The following BRWD1 variants were observed in gnomAD, a reference collection of about 807,000 sequenced individuals.
The protein encoded by BRWD1 is bromodomain and WD repeat domain containing 1, also known as bromodomain and WD repeat-containing protein 1.
Under a neutral mutation model 251.2 loss-of-function variants are expected in BRWD1, and 82 were observed. The ratio of observed to expected loss-of-function variants is 0.33; its 90% CI spans 0.27 to 0.39. The LOEUF (loss-of-function observed/expected upper bound fraction) is 0.39. BRWD1 is among the 10% of genes least tolerant of loss of function. The pLI is 1.00. For missense variants in BRWD1, 2,233 were observed against 2,711.6 expected, an observed-to-expected ratio of 0.82 and a Z score of 3.92; for synonymous variants, 918 against 902.8, an observed-to-expected ratio of 1.02 and a Z score of -0.30.
At chr21:39,288,050 A>C (rs2035696565) in intron 8 of BRWD1, among the ~76,000 whole-genome samples, 1 of 152,196 alleles carries the variant, frequency 6.6e-6, no homozygotes, top group Non-Finnish European at 1.5e-5. Flanking sequence ...TGCAGTCAAG[A>C]TGTCGACCTG....
intron 37 of BRWD1, among the ~76,000 whole-genome samples, chr21:39,202,792 A>C (rs971051970): frequency 6.6e-5 from 10 of 152,248 alleles, no homozygotes; most frequent in African/African-American, 2.2e-4. Flanking sequence ...AGTAAGAGTT[A>C]CAGAAAATTA....
upstream of BRWD1, chr21:39,314,519 C>T (rs1321036252): frequency 2.8e-6 from 1 of 357,002 alleles, no homozygotes; most frequent in South Asian, 2.1e-5. Context: ...CAGTTAGAAT[C>T]CTCTTGGAAG....
chr21:39,316,029 G>T (rs934051277), upstream of BRWD1, among the ~76,000 whole-genome samples: 3 of 152,178 alleles, frequency 2.0e-5, no homozygotes, highest in African/African-American at 7.2e-5. Context: ...ACTTTGGAGA[G>T]GATGGGACCA....
intron 7 of BRWD1, among the ~76,000 whole-genome samples, chr21:39,294,447 G>A (rs562227599): frequency 5.3e-5 from 8 of 152,000 alleles, no homozygotes; most frequent in Admixed American, 2.0e-4. Flanking sequence ...CACAAGGTCA[G>A]GAGATCGAGA....
intron 33 of BRWD1, among the ~76,000 whole-genome samples, chr21:39,213,157 A>G (rs1234792051): frequency 6.6e-6 from 1 of 152,278 alleles, no homozygotes; most frequent in Non-Finnish European, 1.5e-5. Context: ...TTCCCATCTC[A>G]GCCTGCTAAA....
At chr21:39,224,529 G>A (rs995181680) in intron 28 of BRWD1, 60 bp from the exon 29 acceptor site, 1 of 1,094,824 alleles carries the variant, frequency 9.1e-7, no homozygotes, top group Admixed American at 2.1e-5. Context: ...TGGATAATAG[G>A]TATCCATTAT....
intron 8 of BRWD1, among the ~76,000 whole-genome samples, chr21:39,285,114 G>A (rs1601460998): frequency 1.3e-5 from 2 of 152,290 alleles, no homozygotes; most frequent in Admixed American, 6.5e-5. Flanking sequence ...AATGCCGTGT[G>A]TCCGTGTATA....
At chr21:39,212,779 A>T in intron 33 of BRWD1, 72 bp from the exon 34 acceptor site, 1 of 1,101,008 alleles carries the variant, frequency 9.1e-7, no homozygotes, top group Non-Finnish European at 1.3e-6. Flanking sequence ...CTTAATAAAT[A>T]ACATATCAAA....
intron 10 of BRWD1, 75 bp from the exon 11 acceptor site, chr21:39,277,426 A>T: frequency 1.1e-6 from 1 of 950,398 alleles, no homozygotes; most frequent in Admixed American, 3.5e-5. Flanking sequence ...CCATATTAAA[A>T]TATAAAAAAG....
chr21:39,229,401 A>G lies in BRWD1; in HGVS notation c.3036T>C (p.Tyr1012=), dbSNP rs1338352092. Residue 1012 remains tyrosine, a synonymous_variant, in exon 26 of 41, where the codon TAT becomes TAC. Transcript: ENST00000342449. ...AACAGAGTGTAGGGGGCCCAACTTC[A>G]TATCGTATTCCAACTATTTTAACCA... ...QELVKIVGIR[Y]EVGPPTLCCL... is the part of the protein sequence containing the mutation. 13 of 1,610,558 alleles carry G rather than the reference A, an allele frequency of 8.1e-6. No homozygotes were observed. In the South Asian group the frequency reaches 9.9e-5, roughly 12 times the overall value.
intron 17 of BRWD1, among the ~76,000 whole-genome samples, chr21:39,262,941 C>A (rs984541380): frequency 5.9e-5 from 9 of 151,876 alleles, no homozygotes; most frequent in Admixed American, 1.3e-4. Flanking sequence ...CATGGCAAAA[C>A]CCCATCTCTA....
intron 8 of BRWD1, among the ~76,000 whole-genome samples, chr21:39,286,349 T>A (rs1161595488): frequency 6.6e-6 from 1 of 151,800 alleles, no homozygotes; most frequent in Non-Finnish European, 1.5e-5. Context: ...AACAATTCAG[T>A]GGCATTTAGT....
At chr21:39,287,526 A>C (rs2035678798) in intron 8 of BRWD1, among the ~76,000 whole-genome samples, 1 of 152,218 alleles carries the variant, frequency 6.6e-6, no homozygotes, top group African/African-American at 2.4e-5. Context: ...TCTCTGTATT[A>C]ACCTTCAATT....
chr21:39,233,715 A>C (rs563416461), intron 23 of BRWD1, among the ~76,000 whole-genome samples: 2 of 152,192 alleles, frequency 1.3e-5, no homozygotes, highest in Admixed American at 6.5e-5. Context: ...GGAGATGGAG[A>C]AGTGTTAATA....
At chr21:39,282,972 A>AAT (rs1555874690) in intron 8 of BRWD1, among the ~76,000 whole-genome samples, 4 of 151,546 alleles carry the variant, frequency 2.6e-5, no homozygotes, top group African/African-American at 9.8e-5. Flanking sequence ...AAAAAAAAAA[A>AAT]AAAAGGAATT....
chr21:39,199,436 C>T lies in BRWD1; in HGVS notation c.4980G>A (p.Lys1660=), dbSNP rs764922165. ...CAGCAGAAGCATTGCGGTGAGGCAG[C>T]TTCCGACCAGAACAGACACTTTCAG... ...SSSESVCSGR[K]LPHRNASAVA... is the part of the protein sequence containing the mutation. Residue 1660 remains lysine, a synonymous_variant, in exon 40 of 41, where the codon AAG becomes AAA. Coordinates refer to ENST00000342449, the MANE Select transcript of BRWD1 (RefSeq NM_033656.4). 2 of 1,614,232 alleles carry T rather than the reference C, an allele frequency of 1.2e-6. No individual in the cohort carries two copies. Among genetic ancestry groups the T allele is most frequent in the Non-Finnish European group, 1.7e-6 (2 of 1,180,046 alleles).
rs1199037648 is a variant in BRWD1 at position 39,293,997 on chromosome 21, T to C, written c.645A>G (p.Thr215=). 6.2e-7 allele frequency: 1 copy of C among 1,614,108 alleles called. No homozygotes were observed. The highest frequency in any genetic ancestry group is 8.5e-7 in the Non-Finnish European group (1 of 1,180,042). Residue 215 remains threonine, a synonymous_variant, in exon 8 of 41, where the codon ACA becomes ACG. Coordinates refer to ENST00000342449, the MANE Select transcript of BRWD1 (RefSeq NM_033656.4). ...SDDCLVKIWS[T]HNGRLLSTLR... Reference sequence around the variant, plus strand: ...ATGTAGATAACAAGCGGCCATTATGTGTTGACCAAATCTTTACCAAACAGT... The same window carrying C: ...ATGTAGATAACAAGCGGCCATTATGCGTTGACCAAATCTTTACCAAACAGT...
At chr21:39,223,591 G>A (rs2026265) in intron 29 of BRWD1, among the ~76,000 whole-genome samples, 46,017 of 152,104 alleles carry the variant, frequency 0.3, 7,448 homozygotes, top group Middle Eastern at 0.36. Flanking sequence ...AAAGGTAGGA[G>A]GAAATTAAAA....
chr21:39,278,661 TA>T (rs2146697195), intron 10 of BRWD1, 81 bp downstream of exon 10: 2 of 1,034,596 alleles, frequency 1.9e-6, no homozygotes, highest in East Asian at 5.2e-5. Context: ...ATGTAGCTAA[TA>T]AAAGTTCTTA....
Sources: allele counts gnomAD v4.1 joint callset (sites outside exome capture counted in the v4.1 genomes callset), GRCh38; gene constraint gnomAD v4.1.1; transcripts MANE v1.5; gene names NCBI Gene and HGNC (gene_info 2026-07-23, HGNC 2026-07-21).